Variants in FOSB observed in about 807,000 individuals in gnomAD.
FOSB encodes the protein protein FosB.
A neutral mutation model predicts 31.1 loss-of-function variants in FOSB; 8 were observed. The observed-to-expected ratio is 0.26, with a 90% CI of 0.15 to 0.46. FOSB has a LOEUF of 0.46. Ranked by LOEUF, FOSB falls within the 20% of genes least tolerant of loss-of-function variation. The probability of loss-of-function intolerance (pLI) is 0.99; values close to 1 mark genes in which losing one functional copy is unlikely to be tolerated. For missense variants in FOSB, 376 were observed against 460.6 expected, an observed-to-expected ratio of 0.82 and a Z score of 1.68; for synonymous variants, 214 against 206.1, an observed-to-expected ratio of 1.04 and a Z score of -0.33.
rs10424098 is a variant in FOSB, at chr19:45,473,378, T to G, written c.*366T>G. ...CCTTCGGGCAGTCCTGTGTGAGGAT[T>G]AAGGGACGGGGGTGGGAGGTAGGCT... is the stretch of plus-strand genomic sequence containing the variant. On this transcript the variant is annotated 3_prime_UTR_variant, in exon 4 of 4. Coordinates refer to ENST00000353609, the MANE Select transcript of FOSB (RefSeq NM_006732.3). 73,155 of 131,996 alleles carry G rather than the reference T, an allele frequency of 0.55. 19,993 individuals carry two copies. Among genetic ancestry groups the G allele is most frequent in the African/African-American group, 0.71 (24,205 of 33,968 alleles). 8.2% of individuals were successfully genotyped at this position (131,996 alleles called of 1,614,324 possible).
rs1453376472 is a variant in FOSB, at chr19:45,473,230, C to T, written c.*218C>T. 12 of 471,660 alleles carry T rather than the reference C, an allele frequency of 2.5e-5. No homozygotes were observed. The highest frequency in any genetic ancestry group is 1.7e-4 in the South Asian group (7 of 41,358). 29.2% of individuals were successfully genotyped at this position (471,660 alleles called of 1,614,324 possible). A position where few individuals can be genotyped will look rare whatever the true frequency, so the allele number is the denominator to read the frequency against. On this transcript the variant is annotated 3_prime_UTR_variant, in exon 4 of 4. Coordinates refer to ENST00000353609, the MANE Select transcript of FOSB (RefSeq NM_006732.3). ...TCTTGTTTCTGTGCCCCGGCGAGGCCGGAGAGCTGGTGACTTTGGGGACAG... is the reference window on the plus strand; with the variant it reads ...TCTTGTTTCTGTGCCCCGGCGAGGCTGGAGAGCTGGTGACTTTGGGGACAG...
In FOSB at chr19:45,472,636, T is replaced by A; in HGVS notation, c.641T>A (p.Val214Glu). Residue 214 changes from valine to glutamate, a missense_variant, in exon 4 of 4, where the codon GTG (valine) becomes GAG (glutamate). Val to Glu is a moderately radical substitution (Grantham distance 121). Around this residue, in one of 3 missense-constraint regions of FOSB, gnomAD observed 148 missense variants for 170.0 expected, o/e 0.87. Coordinates refer to ENST00000353609, the MANE Select transcript of FOSB (RefSeq NM_006732.3). This position sits in a 1 kb window ranked among gnomAD's most constrained non-coding sequence, Gnocchi z 5.4. ...AAGGAGAAGGAACGTCTGGAGTTTG[T>A]GCTGGTGGCCCACAAACCGGGCTGC... ...LQKEKERLEF[V>E]LVAHKPGCKI... 6.3e-7 allele frequency: 1 copy of A among 1,581,124 alleles called. No homozygotes were observed. The highest frequency in any genetic ancestry group is 8.6e-7 in the Non-Finnish European group (1 of 1,166,438).
chr19:45,470,302 C>T, intron 1 of FOSB: 2 of 338,278 alleles, frequency 5.9e-6, no homozygotes, highest in Admixed American at 8.9e-5. Context: ...GTTCTGTCAC[C>T]CGGCTGTGTC....
intron 2 of FOSB, 120 bp downstream of exon 2, chr19:45,471,069 G>A: frequency 1.5e-6 from 2 of 1,345,912 alleles, no homozygotes; most frequent in African/African-American, 1.5e-5. Flanking sequence ...CAAGATCCTT[G>A]CTACACGAGC....
Position 45,468,812 on chromosome 19 carries a change from C to A in FOSB, c.126+100C>A. Reference sequence around the variant, plus strand: ...ACCCCCACAAAAAGGCGCATCAGAACCCTAGATCTGAGATGGAAAAGGCTC... The same window carrying A: ...ACCCCCACAAAAAGGCGCATCAGAAACCTAGATCTGAGATGGAAAAGGCTC... On this transcript the variant is annotated intron_variant, in intron 1 of 3. Transcript: ENST00000353609. The surrounding 1 kb of genome is among the most constrained non-coding windows in gnomAD (Gnocchi z 4.8). 7.8e-7 allele frequency: 1 copy of A among 1,278,688 alleles called. No individual in the cohort carries two copies. The highest frequency in any genetic ancestry group is 1.1e-6 in the Non-Finnish European group (1 of 950,272). The allele number at this position is 1,278,688 out of a possible 1,614,324, so 79.2% of individuals were successfully genotyped here.
chr19:45,471,388 C>A, intron 3 of FOSB, 87 bp downstream of exon 3: 1 of 1,000,918 alleles, frequency 1.0e-6, no homozygotes, highest in Non-Finnish European at 1.5e-6. Context: ...TACCCTTATC[C>A]TGGGTTGAGA....
In FOSB at chr19:45,472,755, T is replaced by C. The variant is rs1568614550; in HGVS notation, c.760T>C (p.Trp254Arg). 6.2e-7 allele frequency: 1 copy of C among 1,613,926 alleles called. No homozygotes were observed. Among genetic ancestry groups the C allele is most frequent in the Admixed American group, 1.7e-5 (1 of 60,008 alleles). Residue 254 changes from tryptophan to arginine, a missense_variant, in exon 4 of 4, where the codon TGG (tryptophan) becomes CGG (arginine). Trp to Arg is a moderately radical substitution (Grantham distance 101). Coordinates refer to ENST00000353609, the MANE Select transcript of FOSB (RefSeq NM_006732.3). The surrounding 1 kb of genome is among the most constrained non-coding windows in gnomAD (Gnocchi z 5.4). Reference protein sequence around the residue: ...SAPAKEDGFSWLLPPPPPPPL... With the variant: ...SAPAKEDGFSRLLPPPPPPPL... ...ACCGGCTAAGGAAGATGGCTTCAGCTGGCTGCTGCCGCCCCCGCCACCACC... is the reference window on the plus strand; with the variant it reads ...ACCGGCTAAGGAAGATGGCTTCAGCCGGCTGCTGCCGCCCCCGCCACCACC...
In FOSB at chr19:45,472,827, G is replaced by A; in HGVS notation, c.832G>A (p.Ala278Thr). 1 of 1,614,186 alleles carries A rather than the reference G, an allele frequency of 6.2e-7. No homozygotes were observed. Among genetic ancestry groups the A allele is most frequent in the Non-Finnish European group, 8.5e-7 (1 of 1,180,040 alleles). Residue 278 changes from alanine to threonine, a missense_variant, in exon 4 of 4, where the codon GCT becomes ACT. This residue lies in a region of FOSB where 148 missense variants were observed against 170.0 expected (regional missense o/e 0.87). Coordinates refer to ENST00000353609, the MANE Select transcript of FOSB (RefSeq NM_006732.3). The surrounding 1 kb of genome is among the most constrained non-coding windows in gnomAD (Gnocchi z 5.4). Reference sequence around the variant, plus strand: ...CCAAGACGCACCCCCCAACCTGACGGCTTCTCTCTTTACACACAGTGAAGT... The same window carrying A: ...CCAAGACGCACCCCCCAACCTGACGACTTCTCTCTTTACACACAGTGAAGT... ...TSQDAPPNLT[A>T]SLFTHSEVQV...
In FOSB at chr19:45,468,012, G is replaced by C. The variant is rs956417831; in HGVS notation, c.-575G>C. ...CTGTGCTTCATTCATAAGACTCAGA[G>C]CTACGGCCACGGCAGGGACACGCGG... On this transcript the variant is annotated 5_prime_UTR_variant, in exon 1 of 4. Transcript: ENST00000353609. The surrounding 1 kb of genome is among the most constrained non-coding windows in gnomAD (Gnocchi z 4.8). 6 of 152,422 alleles carry C rather than the reference G, an allele frequency of 3.9e-5. No homozygotes were observed. The highest frequency in any genetic ancestry group is 6.5e-5 in the Admixed American group (1 of 15,290). 9.4% of individuals were successfully genotyped at this position (152,422 alleles called of 1,614,324 possible). A position where few individuals can be genotyped will look rare whatever the true frequency, so the allele number is the denominator to read the frequency against.
intron 1 of FOSB, among the ~76,000 whole-genome samples, chr19:45,469,075 G>C (rs1967523620): frequency 6.6e-6 from 1 of 152,232 alleles, no homozygotes; most frequent in East Asian, 1.9e-4. Context: ...AGGCAGGTGG[G>C]GGAAATCCCG....
At chr19:45,469,459 C>A (rs944316794) in intron 1 of FOSB, among the ~76,000 whole-genome samples, 1 of 151,484 alleles carries the variant, frequency 6.6e-6, no homozygotes, top group African/African-American at 2.4e-5. Context: ...CATTTTCCTT[C>A]CCCCCTCTCT....
chr19:45,472,797 A>G lies in FOSB; in HGVS notation c.802A>G (p.Thr268Ala). 2 of 1,614,080 alleles carry G rather than the reference A, an allele frequency of 1.2e-6. No individual in the cohort carries two copies. Among genetic ancestry groups the G allele is most frequent in the East Asian group, 2.2e-5 (1 of 44,872 alleles). The change falls in exon 4 of 4, where the codon ACC becomes GCC. Residue 268 changes from threonine (T) to alanine (A), a missense_variant. By Grantham distance (58) the Thr-to-Ala change is moderately conservative. Transcript: ENST00000353609. The surrounding 1 kb of genome is among the most constrained non-coding windows in gnomAD (Gnocchi z 5.4). Reference sequence around the variant, plus strand: ...GCCACCACCGCCCCTGCCCTTCCAGACCAGCCAAGACGCACCCCCCAACCT... The same window carrying G: ...GCCACCACCGCCCCTGCCCTTCCAGGCCAGCCAAGACGCACCCCCCAACCT... The part of the protein sequence containing the change: ...PPPPPPLPFQ[T>A]SQDAPPNLTA...
chr19:45,474,983 A>C lies in FOSB; in HGVS notation c.*1971A>C, dbSNP rs1233444899. The C allele has an allele frequency of 1.3e-5, 2 of 152,160 alleles. No individual in the cohort carries two copies. Among genetic ancestry groups the C allele is most frequent in the African/African-American group, 4.8e-5 (2 of 41,396 alleles). 9.4% of individuals were successfully genotyped at this position (152,160 alleles called of 1,614,324 possible). A position where few individuals can be genotyped will look rare whatever the true frequency, so the allele number is the denominator to read the frequency against. Reference sequence around the variant, plus strand: ...TGTATCTTTGACAATTCTGGGTGCGAGTGTGAGAGTGTGAGCAGGGCTTGC... The same window carrying C: ...TGTATCTTTGACAATTCTGGGTGCGCGTGTGAGAGTGTGAGCAGGGCTTGC... On this transcript the variant is annotated 3_prime_UTR_variant, in exon 4 of 4. Coordinates refer to ENST00000353609, the MANE Select transcript of FOSB (RefSeq NM_006732.3).
In FOSB at chr19:45,474,743, A is replaced by G. The variant is rs1967794384; in HGVS notation, c.*1731A>G. On this transcript the variant is annotated 3_prime_UTR_variant, in exon 4 of 4. Transcript: ENST00000353609. ...CTCTGGCTCAGCCTGTCTCGGGCTG[A>G]CCCTTTTCTGATCGTCTCGGCCCCT... 1 of 150,580 alleles carries G rather than the reference A, an allele frequency of 6.6e-6. No individual in the cohort carries two copies. The highest frequency in any genetic ancestry group is 6.6e-5 in the Admixed American group (1 of 15,086). 9.3% of individuals were successfully genotyped at this position (150,580 alleles called of 1,614,324 possible). A position where few individuals can be genotyped will look rare whatever the true frequency, so the allele number is the denominator to read the frequency against.
chr19:45,474,349 C>T lies in FOSB; in HGVS notation c.*1337C>T, dbSNP rs1014407389. On this transcript the variant is annotated 3_prime_UTR_variant, in exon 4 of 4. Coordinates refer to ENST00000353609, the MANE Select transcript of FOSB (RefSeq NM_006732.3). ...ATTCCATGCCCGAGTCCGCCCATCC[C>T]TGACCATGGTTTTGGCTCTCCCACC... is the stretch of plus-strand genomic sequence containing the variant. The T allele has an allele frequency of 6.6e-6, 1 of 152,498 alleles. No homozygotes were observed. The highest frequency in any genetic ancestry group is 1.5e-5 in the Non-Finnish European group (1 of 68,030). 9.4% of individuals were successfully genotyped at this position (152,498 alleles called of 1,614,324 possible).
Position 45,472,642 on chromosome 19 carries a change from T to C in FOSB, c.647T>C (p.Val216Ala). Residue 216 changes from valine to alanine, a missense_variant, in exon 4 of 4, where the codon GTG (valine) becomes GCG (alanine). Physicochemically the swap from Val to Ala is moderately conservative, Grantham distance 64. Coordinates refer to ENST00000353609, the MANE Select transcript of FOSB (RefSeq NM_006732.3). The surrounding 1 kb of genome is among the most constrained non-coding windows in gnomAD (Gnocchi z 5.4). ...KEKERLEFVL[V>A]AHKPGCKIPY... is the part of the protein sequence containing the mutation. ...AAGGAACGTCTGGAGTTTGTGCTGG[T>C]GGCCCACAAACCGGGCTGCAAGATC... 6.3e-7 allele frequency: 1 copy of C among 1,585,938 alleles called. No homozygotes were observed. The highest frequency in any genetic ancestry group is 8.6e-7 in the Non-Finnish European group (1 of 1,168,676).
At chr19:45,471,922 G>A (rs1967688982) in intron 3 of FOSB, 1 of 152,788 alleles carries the variant, frequency 6.5e-6, no homozygotes, top group Admixed American at 6.5e-5. Flanking sequence ...TAGAGAGGGA[G>A]GGGTAATAGA....
chr19:45,469,295 G>C (rs1027050669), intron 1 of FOSB, among the ~76,000 whole-genome samples: 1 of 152,212 alleles, frequency 6.6e-6, no homozygotes. Flanking sequence ...GGCGCGCGGC[G>C]CCCCCTTCGT....
In FOSB at chr19:45,471,943, T is replaced by A. The variant is rs1334229752; in HGVS notation, c.556-608T>A. On this transcript the variant is annotated intron_variant, in intron 3 of 3. Transcript: ENST00000353609. ...GGGAGGGGTAATAGAAGGGAACACATTAAAAACACATAACAGTGGCTCATG... is the reference window on the plus strand; with the variant it reads ...GGGAGGGGTAATAGAAGGGAACACAATAAAAACACATAACAGTGGCTCATG... 4 of 152,472 alleles carry A rather than the reference T, an allele frequency of 2.6e-5. No individual in the cohort carries two copies. In the East Asian group the frequency reaches 5.8e-4, roughly 22 times the overall value. The allele number at this position is 152,472 out of a possible 1,614,324, so 9.4% of individuals were successfully genotyped here. A position where few individuals can be genotyped will look rare whatever the true frequency, so the allele number is the denominator to read the frequency against.
Sources: gnomAD v4.1 joint callset for allele counts (sites outside exome capture counted in the v4.1 genomes callset) on GRCh38, gnomAD v4.1.1 for gene constraint, gnomAD v4.1.1 regional missense constraint, Gnocchi (gnomAD v3.1) non-coding constraint, MANE v1.5 for transcripts, NCBI Gene and HGNC (gene_info 2026-07-23, HGNC 2026-07-21) for gene names.